NEDD4L: variants seen among roughly 807,000 people sequenced by gnomAD.
The protein encoded by NEDD4L is NEDD4 like E3 ubiquitin protein ligase.
NEDD4L carries 54 observed loss-of-function variants against 148.9 expected under a neutral mutation model. The observed-to-expected ratio is 0.36, with a 90% CI of 0.29 to 0.45. The LOEUF is 0.45. NEDD4L is among the 20% of genes least tolerant of loss of function. The probability of loss-of-function intolerance (pLI) is 1.00; values close to 1 mark genes in which losing one functional copy is unlikely to be tolerated. For synonymous variants in NEDD4L, 433 were observed against 440.7 expected (o/e 0.98, Z 0.22); for missense variants, 856 against 1,233.8 (o/e 0.69, Z 4.59).
At position 58,220,845 on chromosome 18, in the gene NEDD4L, G is replaced by GTAGA. The variant is rs150580016; in HGVS notation, c.123-24581_123-24578dup. On this transcript the variant is annotated intron_variant, in intron 2 of 30. Coordinates refer to ENST00000400345, the MANE Select transcript of NEDD4L (RefSeq NM_001144967.3). ...TGTTTGACTTGCTCTTGGAATTTCT[G>GTAGA]TAGAGTAAGGGTGGTCAGGTTGCCA... is the stretch of plus-strand genomic sequence containing the variant. Among the ~76,000 whole-genome samples, 871 of 152,186 alleles carry GTAGA rather than the reference G, an allele frequency of 5.7e-3. 7 individuals are homozygous for GTAGA. Among genetic ancestry groups the GTAGA allele is most frequent in the African/African-American group, 0.019 (801 of 41,522 alleles).
intron 9 of NEDD4L, among the ~76,000 whole-genome samples, chr18:58,325,373 G>A (rs1352161622): frequency 6.6e-6 from 1 of 152,222 alleles, no homozygotes; most frequent in Admixed American, 6.5e-5. Flanking sequence ...GTCACATGCT[G>A]CTGTTTTCAA....
chr18:58,306,087 G>A (rs1276710378), intron 5 of NEDD4L, among the ~76,000 whole-genome samples: 1 of 152,162 alleles, frequency 6.6e-6, no homozygotes, highest in African/African-American at 2.4e-5. Flanking sequence ...TTTAGAAAGG[G>A]TAAGCAGGAA....
intron 28 of NEDD4L, chr18:58,390,389 A>G (rs2049651801): frequency 2.8e-6 from 1 of 359,290 alleles, no homozygotes; most frequent in Non-Finnish European, 5.1e-6. Context: ...TGGTGCCATC[A>G]GAGAGTTTGC....
intron 2 of NEDD4L, among the ~76,000 whole-genome samples, chr18:58,219,755 T>C (rs2043535559): frequency 1.3e-5 from 2 of 152,236 alleles, no homozygotes; most frequent in South Asian, 4.1e-4. Context: ...AGTCACCATC[T>C]GAAGTATTAA....
At chr18:58,218,336 C>T (rs2043364643) in intron 2 of NEDD4L, among the ~76,000 whole-genome samples, 1 of 152,120 alleles carries the variant, frequency 6.6e-6, no homozygotes, top group South Asian at 2.1e-4. Flanking sequence ...TAGGTGCCAA[C>T]CAACAATGGC....
At chr18:58,394,660 G>A (rs967903255) in intron 30 of NEDD4L, among the ~76,000 whole-genome samples, 2 of 152,240 alleles carry the variant, frequency 1.3e-5, no homozygotes, top group African/African-American at 4.8e-5. Context: ...GAAGCACAGT[G>A]TTATTCTCTG....
chr18:58,394,214 A>G (rs1013984805), intron 30 of NEDD4L, among the ~76,000 whole-genome samples: 1 of 152,238 alleles, frequency 6.6e-6, no homozygotes, highest in Non-Finnish European at 1.5e-5. Flanking sequence ...ACTTGATGCG[A>G]TTGACTCATA....
At chr18:58,305,887 C>T (rs2057001827) in intron 5 of NEDD4L, among the ~76,000 whole-genome samples, 1 of 152,124 alleles carries the variant, frequency 6.6e-6, no homozygotes, top group Non-Finnish European at 1.5e-5. Context: ...TTAGCTTTAA[C>T]TACTTAGAAG....
intron 13 of NEDD4L, among the ~76,000 whole-genome samples, chr18:58,339,084 A>G (rs11152065): frequency 0.79 from 119,713 of 151,206 alleles, 47,725 homozygotes; most frequent in East Asian, 0.96. Context: ...TTCCAGAGCT[A>G]AGGTTTCCGG....
intron 2 of NEDD4L, among the ~76,000 whole-genome samples, chr18:58,224,536 AG>A (rs559549070): frequency 6.6e-6 from 1 of 152,180 alleles, no homozygotes; most frequent in Non-Finnish European, 1.5e-5. Flanking sequence ...TGAGGTTTTC[AG>A]GGCCATAACT....
intron 2 of NEDD4L, among the ~76,000 whole-genome samples, chr18:58,213,552 A>G (rs948153391): frequency 2.0e-5 from 3 of 152,190 alleles, no homozygotes; most frequent in African/African-American, 7.2e-5. Flanking sequence ...GAAAATGCTC[A>G]TTCTGTATGT....
At chr18:58,298,974 A>G (rs1212875044) in intron 5 of NEDD4L, among the ~76,000 whole-genome samples, 1 of 152,222 alleles carries the variant, frequency 6.6e-6, no homozygotes, top group Non-Finnish European at 1.5e-5. Flanking sequence ...CCTTCTAAAT[A>G]TTATCTTTAG....
chr18:58,155,858 A>G (rs9807605), intron 1 of NEDD4L, among the ~76,000 whole-genome samples: 21,883 of 152,124 alleles, frequency 0.14, 1,669 homozygotes, highest in East Asian at 0.22. Context: ...TCAGTTGCAC[A>G]TGGACTGTTC....
intron 1 of NEDD4L, among the ~76,000 whole-genome samples, chr18:58,148,492 G>A (rs1421338182): frequency 6.6e-6 from 1 of 152,200 alleles, no homozygotes; most frequent in Non-Finnish European, 1.5e-5. Context: ...CTGAAGGCCA[G>A]AAGCCAAGAT....
intron 27 of NEDD4L, 147 bp from the exon 28 acceptor site, chr18:58,388,938 G>C: frequency 3.0e-6 from 2 of 674,368 alleles, no homozygotes; most frequent in Non-Finnish European, 5.4e-6. Flanking sequence ...GCCTGGAACA[G>C]GTGTCTGCCT....
chr18:58,270,623 G>A (rs115143580), intron 5 of NEDD4L, among the ~76,000 whole-genome samples: 1 of 152,096 alleles, frequency 6.6e-6, no homozygotes, highest in East Asian at 1.9e-4. Flanking sequence ...CAACAGTGCT[G>A]TCTGGGCCTA....
chr18:58,295,546 T>G (rs553926615), intron 5 of NEDD4L, among the ~76,000 whole-genome samples: 1 of 152,342 alleles, frequency 6.6e-6, no homozygotes, highest in South Asian at 2.1e-4. Context: ...TTTTGGCAAT[T>G]ATGAATAAAG....
intron 5 of NEDD4L, among the ~76,000 whole-genome samples, chr18:58,276,472 G>A (rs964510080): frequency 5.9e-5 from 9 of 152,054 alleles, no homozygotes; most frequent in Admixed American, 2.0e-4. Flanking sequence ...GCCTTTCAAA[G>A]TGCTGGAATT....
At chr18:58,384,153 T>G (rs540057255) in intron 25 of NEDD4L, among the ~76,000 whole-genome samples, 1 of 152,328 alleles carries the variant, frequency 6.6e-6, no homozygotes, top group South Asian at 2.1e-4. Flanking sequence ...GTCAGAGGTC[T>G]TGAAATCAGA....
Sources: allele counts gnomAD v4.1 joint callset (sites outside exome capture counted in the v4.1 genomes callset), GRCh38; gene constraint gnomAD v4.1.1; transcripts MANE v1.5; gene names NCBI Gene and HGNC (gene_info 2026-07-23, HGNC 2026-07-21).